Variants in TBC1D5 observed in about 807,000 individuals in gnomAD.
TBC1D5 encodes TBC1 domain family member 5.
TBC1D5 carries 75 observed loss-of-function variants against 100.3 expected under a neutral mutation model. The observed-to-expected ratio is 0.75, with a 90% confidence interval of 0.62 to 0.91. TBC1D5 has a LOEUF of 0.91. TBC1D5 is among the 40% of genes least tolerant of loss of function. The pLI, the probability that TBC1D5 is intolerant of heterozygous loss-of-function variation, is 0.00. For synonymous variants in TBC1D5, 323 were observed against 325.6 expected, an observed-to-expected ratio of 0.99 and a Z score of 0.09; for missense variants, 910 against 942.4, an observed-to-expected ratio of 0.97 and a Z score of 0.45.
At chr3:17,214,136 G>A in intron 18 of TBC1D5, 71 bp downstream of exon 19, 1 of 1,485,136 alleles carries the variant, frequency 6.7e-7, no homozygotes, top group Non-Finnish European at 9.0e-7. Context: ...GGCACTAACA[G>A]AGCTTTCATA....
chr3:17,676,119 A>G (rs181980755), intron 1 of TBC1D5, among the ~76,000 whole-genome samples: 1 of 152,274 alleles, frequency 6.6e-6, no homozygotes, highest in African/African-American at 2.4e-5. Context: ...CAGTATTAAT[A>G]TTTTACTAAA....
chr3:17,497,337 C>T (rs1182857461), intron 3 of TBC1D5, among the ~76,000 whole-genome samples: 1 of 152,242 alleles, frequency 6.6e-6, no homozygotes, highest in East Asian at 1.9e-4. Context: ...CAATGTTTGT[C>T]CATCTCATGC....
chr3:17,706,537 T>C (rs1347063413), intron 1 of TBC1D5, among the ~76,000 whole-genome samples: 1 of 152,108 alleles, frequency 6.6e-6, no homozygotes, highest in African/African-American at 2.4e-5. Context: ...ATTATAGAAG[T>C]ATAATCGATA....
intron 4 of TBC1D5, among the ~76,000 whole-genome samples, chr3:17,417,882 A>AT (rs35742571): frequency 0.49 from 74,789 of 151,186 alleles, 19,991 homozygotes; most frequent in African/African-American, 0.68. Flanking sequence ...ATTTAGAAGT[A>AT]TTTTTTTTTA....
chr3:17,675,877 T>C (rs1169647453), intron 1 of TBC1D5, among the ~76,000 whole-genome samples: 3 of 152,184 alleles, frequency 2.0e-5, no homozygotes, highest in African/African-American at 7.2e-5. Context: ...GATATGCTAA[T>C]GGAAGAAAAT....
intron 1 of TBC1D5, among the ~76,000 whole-genome samples, chr3:17,704,523 C>G (rs1295705464): frequency 1.0e-5 from 1 of 96,234 alleles, no homozygotes; most frequent in Non-Finnish European, 2.1e-5. Context: ...CCTCACCTCC[C>G]GGACGGGGCG....
At chr3:17,254,826 T>A (rs1029892814) in intron 16 of TBC1D5, among the ~76,000 whole-genome samples, 2 of 151,246 alleles carry the variant, frequency 1.3e-5, no homozygotes, top group Non-Finnish European at 2.9e-5. Context: ...AAAAAGCTGT[T>A]ACACTCATTC....
At chr3:17,274,662 T>C (rs534819887) in intron 15 of TBC1D5, among the ~76,000 whole-genome samples, 237 of 152,186 alleles carry the variant, frequency 1.6e-3, no homozygotes, top group Non-Finnish European at 1.8e-3. Context: ...GTGCTGTTCC[T>C]CAAAGGCAGC....
At chr3:17,543,933 T>C (rs934709865) in intron 2 of TBC1D5, among the ~76,000 whole-genome samples, 2 of 151,804 alleles carry the variant, frequency 1.3e-5, no homozygotes, top group African/African-American at 4.8e-5. Flanking sequence ...AGTGGCGCGA[T>C]CTCGGCTCAC....
intron 1 of TBC1D5, among the ~76,000 whole-genome samples, chr3:17,735,764 C>A (rs1310088602): frequency 1.3e-5 from 2 of 152,168 alleles, no homozygotes; most frequent in Admixed American, 6.5e-5. Context: ...ACAGCGGACA[C>A]CCTGCTGGAT....
intron 1 of TBC1D5, among the ~76,000 whole-genome samples, chr3:17,707,541 A>G (rs1326105016): frequency 6.6e-6 from 1 of 152,170 alleles, no homozygotes; most frequent in African/African-American, 2.4e-5. Context: ...ACAAAATGTC[A>G]AAATAGAAGA....
chr3:17,527,981 T>G (rs1050716127), intron 2 of TBC1D5, among the ~76,000 whole-genome samples: 2 of 152,116 alleles, frequency 1.3e-5, no homozygotes, highest in African/African-American at 4.8e-5. Context: ...GCCCCTGCTA[T>G]AGGTTTGAAC....
intron 13 of TBC1D5, among the ~76,000 whole-genome samples, chr3:17,340,864 T>C (rs2088778003): frequency 6.6e-6 from 1 of 152,176 alleles, no homozygotes; most frequent in Non-Finnish European, 1.5e-5. Context: ...TATCTAGAAA[T>C]CTTCTATCAG....
intron 13 of TBC1D5, among the ~76,000 whole-genome samples, chr3:17,357,184 G>C (rs1259609674): frequency 2.0e-5 from 3 of 152,182 alleles, no homozygotes; most frequent in African/African-American, 4.8e-5. Context: ...ATACAAGAAG[G>C]AAGGGTGAAA....
At chr3:17,598,918 TG>T in intron 2 of TBC1D5, among the ~76,000 whole-genome samples, 1 of 152,188 alleles carries the variant, frequency 6.6e-6, no homozygotes, top group Non-Finnish European at 1.5e-5. Context: ...GATTTCAAAA[TG>T]GTTGGATAAT....
At chr3:17,338,869 T>G (rs949290813) in intron 13 of TBC1D5, among the ~76,000 whole-genome samples, 1 of 152,180 alleles carries the variant, frequency 6.6e-6, no homozygotes, top group African/African-American at 2.4e-5. Context: ...TAAATTAGTA[T>G]ACAATGAATT....
At chr3:17,678,683 A>AAC (rs1232232904) in intron 1 of TBC1D5, among the ~76,000 whole-genome samples, 5 of 131,822 alleles carry the variant, frequency 3.8e-5, no homozygotes, top group Non-Finnish European at 8.3e-5. Context: ...AAAAAAAAAA[A>AAC]AAAACAGGAA....
intron 1 of TBC1D5, among the ~76,000 whole-genome samples, chr3:17,688,572 T>C (rs1158195018): frequency 2.0e-5 from 3 of 152,216 alleles, no homozygotes; most frequent in African/African-American, 7.2e-5. Context: ...ATCTGAGCTG[T>C]ATCTTTACCA....
intron 17 of TBC1D5, among the ~76,000 whole-genome samples, chr3:17,234,147 T>C (rs1220989198): frequency 6.6e-6 from 1 of 152,126 alleles, no homozygotes; most frequent in East Asian, 1.9e-4. Flanking sequence ...TTTCCTCCTA[T>C]ATCAGACAAA....
Sources: allele counts gnomAD v4.1 joint callset (sites outside exome capture counted in the v4.1 genomes callset), GRCh38; gene constraint gnomAD v4.1.1; transcripts MANE v1.5; gene names NCBI Gene and HGNC (gene_info 2026-07-23, HGNC 2026-07-21).